LOC128462377: variants seen among roughly 807,000 people sequenced by gnomAD.
the LOC128462377 span, among the ~76,000 whole-genome samples, chr16:89,400,791 C>A: frequency 9.6e-3 from 887 of 92,814 alleles, 5 homozygotes; most frequent in Middle Eastern, 0.051. Flanking sequence ...GCGCTGGGGG[C>A]CGGTCATCTG....
the LOC128462377 span, among the ~76,000 whole-genome samples, chr16:89,363,728 C>G: frequency 6.6e-6 from 1 of 152,150 alleles, no homozygotes; most frequent in African/African-American, 2.4e-5. Context: ...CTGTGGTAGA[C>G]TGGAAGAACA....
At chr16:89,318,899 A>G in the LOC128462377 span, among the ~76,000 whole-genome samples, 35 of 152,180 alleles carry the variant, frequency 2.3e-4, no homozygotes, top group African/African-American at 7.7e-4. Context: ...GGCCAGACAT[A>G]TTTTCTCTCT....
chr16:89,410,708 G>A, the LOC128462377 span, among the ~76,000 whole-genome samples: 2 of 152,196 alleles, frequency 1.3e-5, no homozygotes, highest in Admixed American at 6.5e-5. Flanking sequence ...AAACGTCAAC[G>A]ATACCAAAAG....
chr16:89,330,596 G>C, the LOC128462377 span, among the ~76,000 whole-genome samples: 1 of 147,494 alleles, frequency 6.8e-6, no homozygotes, highest in Non-Finnish European at 1.5e-5. Flanking sequence ...CCTAGTATCG[G>C]AAGCAAGGGG....
the LOC128462377 span, among the ~76,000 whole-genome samples, chr16:89,319,773 C>A: frequency 6.6e-5 from 10 of 152,252 alleles, no homozygotes; most frequent in Admixed American, 3.9e-4. Context: ...CGCCTGCAGG[C>A]ACCAGGCGTG....
chr16:89,401,163 G>A, the LOC128462377 span, among the ~76,000 whole-genome samples: 1 of 133,316 alleles, frequency 7.5e-6, no homozygotes, highest in African/African-American at 2.9e-5. Context: ...GTGTGATCTC[G>A]ACTCATTGCA....
chr16:89,395,453 C>T, the LOC128462377 span, among the ~76,000 whole-genome samples: 6 of 152,370 alleles, frequency 3.9e-5, no homozygotes, highest in East Asian at 3.9e-4. Context: ...TGCCAGCCCA[C>T]GGCTGGGACA....
chr16:89,364,979 T>G, the LOC128462377 span, among the ~76,000 whole-genome samples: 1 of 152,240 alleles, frequency 6.6e-6, no homozygotes, highest in Non-Finnish European at 1.5e-5. Flanking sequence ...AATTTTGGCA[T>G]GGAAATCACA....
At chr16:89,372,827 T>G in the LOC128462377 span, 2 of 152,202 alleles carry the variant, frequency 1.3e-5, no homozygotes, top group African/African-American at 4.8e-5. Context: ...TGGCAGGGAC[T>G]CACTGAAAGT....
chr16:89,363,781 T>C, the LOC128462377 span, among the ~76,000 whole-genome samples: 2 of 152,166 alleles, frequency 1.3e-5, no homozygotes, highest in Middle Eastern at 3.4e-3. Context: ...GCTAGCCCTA[T>C]GCGGTGACTC....
chr16:89,318,899 A>AT, the LOC128462377 span, among the ~76,000 whole-genome samples: 1 of 152,062 alleles, frequency 6.6e-6, no homozygotes, highest in Non-Finnish European at 1.5e-5. Flanking sequence ...GGCCAGACAT[A>AT]TTTTCTCTCT....
At chr16:89,327,288 G>T in the LOC128462377 span, among the ~76,000 whole-genome samples, 1 of 152,136 alleles carries the variant, frequency 6.6e-6, no homozygotes, top group Non-Finnish European at 1.5e-5. Context: ...AAATTCCTAG[G>T]AAAACAGGAG....
chr16:89,397,621 G>A, the LOC128462377 span, among the ~76,000 whole-genome samples: 1 of 152,210 alleles, frequency 6.6e-6, no homozygotes, highest in African/African-American at 2.4e-5. Context: ...TCAGGCTGAG[G>A]CATAAACTTT....
chr16:89,383,131 G>A, the LOC128462377 span, among the ~76,000 whole-genome samples: 3 of 152,196 alleles, frequency 2.0e-5, no homozygotes, highest in South Asian at 2.1e-4. Context: ...TGGCTCATGC[G>A]GACCCACAGC....
the LOC128462377 span, among the ~76,000 whole-genome samples, chr16:89,332,064 G>C: frequency 8.5e-5 from 13 of 152,162 alleles, no homozygotes; most frequent in Non-Finnish European, 1.3e-4. Flanking sequence ...AGGTGGAAGG[G>C]ATCATTCGAT....
chr16:89,317,535 G>A, the LOC128462377 span, among the ~76,000 whole-genome samples: 2 of 152,052 alleles, frequency 1.3e-5, no homozygotes, highest in South Asian at 4.1e-4. Context: ...CCAGCCTCAC[G>A]CCCCACTCAC....
At chr16:89,408,941 C>T in the LOC128462377 span, among the ~76,000 whole-genome samples, 2 of 152,284 alleles carry the variant, frequency 1.3e-5, no homozygotes, top group East Asian at 1.9e-4. Flanking sequence ...GTGAACAGGC[C>T]GCTGTGGAGT....
At chr16:89,329,091 A>T in the LOC128462377 span, 1 of 153,094 alleles carries the variant, frequency 6.5e-6, no homozygotes, top group Admixed American at 6.5e-5. Context: ...GAGTGAGTGC[A>T]CAAAGCCCAC....
chr16:89,368,818 T>G, the LOC128462377 span, among the ~76,000 whole-genome samples: 1 of 152,094 alleles, frequency 6.6e-6, no homozygotes, highest in Non-Finnish European at 1.5e-5. Context: ...GCGGGATCGC[T>G]TGAGCCAGGA....
Sources: gnomAD v4.1 joint callset for allele counts (sites outside exome capture counted in the v4.1 genomes callset) on GRCh38, gnomAD v4.1.1 for gene constraint, MANE v1.5 for transcripts.